Variants in ABLIM1 observed in about 807,000 individuals in gnomAD.
ABLIM1 encodes the protein actin-binding LIM protein 1.
In ABLIM1, 40 loss-of-function variants were observed where a neutral mutation model predicts 107.0. The ratio of observed to expected loss-of-function variants is 0.37; its 90% CI spans 0.29 to 0.49. The LOEUF is 0.49. Ranked by LOEUF, ABLIM1 falls within the 20% of genes least tolerant of loss-of-function variation. The probability of loss-of-function intolerance (pLI) is 0.97; values close to 1 mark genes in which losing one functional copy is unlikely to be tolerated. For missense variants in ABLIM1, 857 were observed against 1,008.5 expected, an observed-to-expected ratio of 0.85 and a Z score of 2.04; for synonymous variants, 357 against 357.3, an observed-to-expected ratio of 1.00 and a Z score of 0.01.
At position 114,629,065 on chromosome 10, in the gene ABLIM1, T is replaced by C. The variant is rs2078003785; in HGVS notation, c.245-27104A>G. ...CAAGATTCCGGAATCAATAAGTGTC[T>C]GCAGCTGGAAGTGAATGGGTGCCTG... On this transcript the variant is annotated intron_variant, in intron 1 of 22. Transcript: ENST00000533213. This position sits in a 1 kb window ranked among gnomAD's most constrained non-coding sequence, Gnocchi z 4.0. 6.6e-6 allele frequency among the ~76,000 whole-genome samples: 1 copy of C among 152,188 alleles called. No individual in the cohort carries two copies. Among genetic ancestry groups the C allele is most frequent in the African/African-American group, 2.4e-5 (1 of 41,450 alleles).
At chr10:114,633,857 G>A (rs1453034693) in intron 1 of ABLIM1, among the ~76,000 whole-genome samples, 2 of 152,140 alleles carry the variant, frequency 1.3e-5, no homozygotes, top group Admixed American at 1.3e-4. Flanking sequence ...AGGCTGTGTT[G>A]TGAGCCTAGC....
chr10:114,798,563 C>T, the ABLIM1 span, among the ~76,000 whole-genome samples: 4 of 125,828 alleles, frequency 3.2e-5, no homozygotes, highest in Admixed American at 7.6e-5. Context: ...GAGACCCCCC[C>T]CCCATGTCTA....
intron 1 of ABLIM1, among the ~76,000 whole-genome samples, chr10:114,693,428 C>A (rs1021663016): frequency 1.3e-5 from 2 of 152,140 alleles, no homozygotes. Context: ...CAGGAGTGGA[C>A]CAGCCACAGG....
intron 1 of ABLIM1, among the ~76,000 whole-genome samples, chr10:114,705,606 T>C (rs983468215): frequency 2.6e-5 from 4 of 151,974 alleles, no homozygotes; most frequent in African/African-American, 9.7e-5. Context: ...ATACAAGAAG[T>C]CATTCATTCA....
chr10:114,743,171 T>G (rs1215978164), intron 1 of ABLIM1, among the ~76,000 whole-genome samples: 2 of 152,190 alleles, frequency 1.3e-5, no homozygotes, highest in Non-Finnish European at 2.9e-5. Flanking sequence ...AAAAGCAACT[T>G]CAAGGTAATT....
chr10:114,667,247 A>G (rs767964259), intron 1 of ABLIM1, among the ~76,000 whole-genome samples: 6 of 152,208 alleles, frequency 3.9e-5, no homozygotes, highest in Non-Finnish European at 8.8e-5. Context: ...GAGAAAACCT[A>G]TACCTTCCCA....
chr10:114,449,326 T>C (rs1481410277), intron 14 of ABLIM1, among the ~76,000 whole-genome samples: 1 of 152,228 alleles, frequency 6.6e-6, no homozygotes, highest in East Asian at 1.9e-4. Context: ...TGGGCTTACA[T>C]ATTTTAAAAT....
chr10:114,601,731 T>C, intron 2 of ABLIM1, 96 bp downstream of exon 2: 1 of 1,576,450 alleles, frequency 6.3e-7, no homozygotes, highest in Non-Finnish European at 8.7e-7. Flanking sequence ...TCGCTTATCA[T>C]CCAGTGACCG....
At chr10:114,535,414 G>A (rs1236476777) in intron 6 of ABLIM1, among the ~76,000 whole-genome samples, 8 of 152,076 alleles carry the variant, frequency 5.3e-5, no homozygotes, top group African/African-American at 1.4e-4. Context: ...AGGTTCAAGC[G>A]ATCCTCCTGC....
intron 1 of ABLIM1, among the ~76,000 whole-genome samples, chr10:114,759,240 A>G (rs117485016): frequency 0.02 from 2,971 of 152,350 alleles, 37 homozygotes; most frequent in Non-Finnish European, 0.032. Flanking sequence ...TAATTTTCCC[A>G]TTAAAATCAT....
At chr10:114,472,388 G>A (rs1345784697) in intron 10 of ABLIM1, among the ~76,000 whole-genome samples, 3 of 152,060 alleles carry the variant, frequency 2.0e-5, no homozygotes, top group Admixed American at 2.0e-4. Flanking sequence ...ACTGTACCTG[G>A]TCCAGGAAAC....
At chr10:114,695,778 G>C (rs1011440796) in intron 1 of ABLIM1, among the ~76,000 whole-genome samples, 1 of 152,184 alleles carries the variant, frequency 6.6e-6, no homozygotes, top group East Asian at 1.9e-4. Flanking sequence ...ACATCCAACA[G>C]AAAGAAGGAT....
chr10:114,693,621 A>C (rs1429784629), intron 1 of ABLIM1, among the ~76,000 whole-genome samples: 1 of 151,750 alleles, frequency 6.6e-6, no homozygotes, highest in Non-Finnish European at 1.5e-5. Context: ...TATAATTTTA[A>C]GCGTTTTTTC....
intron 1 of ABLIM1, among the ~76,000 whole-genome samples, chr10:114,705,247 G>C (rs572973482): frequency 6.6e-6 from 1 of 152,262 alleles, no homozygotes; most frequent in African/African-American, 2.4e-5. Flanking sequence ...ATTCTGACTT[G>C]ACTAGAACCA....
Position 114,435,014 on chromosome 10 carries a change from A to G in ABLIM1, c.*1246T>C, listed in dbSNP as rs2059234625. The G allele has an allele frequency of 6.6e-6, 1 of 152,216 alleles. No individual in the cohort carries two copies. Among genetic ancestry groups the G allele is most frequent in the Non-Finnish European group, 1.5e-5 (1 of 68,042 alleles). 9.4% of individuals were successfully genotyped at this position (152,216 alleles called of 1,614,324 possible). A position where few individuals can be genotyped will look rare whatever the true frequency, so the allele number is the denominator to read the frequency against. On this transcript the variant is annotated 3_prime_UTR_variant, in exon 23 of 23. Coordinates refer to ENST00000533213, the MANE Select transcript of ABLIM1 (RefSeq NM_002313.7). ...ACAATGTCTTTAGAAGCTGCAACAC[A>G]GCAGGACAAACATTCAAGCAGAAAT...
intron 6 of ABLIM1, among the ~76,000 whole-genome samples, chr10:114,518,865 G>A (rs948812266): frequency 1.3e-5 from 2 of 152,040 alleles, no homozygotes; most frequent in Non-Finnish European, 2.9e-5. Context: ...CAGTGGCAGG[G>A]GATGCCTGGA....
At chr10:114,662,934 A>G (rs1358906463), upstream of ABLIM1, among the ~76,000 whole-genome samples, 2 of 152,240 alleles carry the variant, frequency 1.3e-5, no homozygotes, top group Non-Finnish European at 2.9e-5. Context: ...GATGAAGATC[A>G]GCTCAGAGTG....
upstream of ABLIM1, among the ~76,000 whole-genome samples, chr10:114,689,670 T>A (rs144987259): frequency 7.0e-4 from 107 of 152,190 alleles, no homozygotes; most frequent in African/African-American, 2.4e-3. Context: ...CCGCACTTTT[T>A]CTGTTAATTC....
intron 1 of ABLIM1, among the ~76,000 whole-genome samples, chr10:114,741,154 G>T (rs2082278755): frequency 6.7e-6 from 1 of 149,382 alleles, no homozygotes; most frequent in Non-Finnish European, 1.5e-5. Flanking sequence ...TACCATAGTG[G>T]TATAGTATTT....
Sources: gnomAD v4.1 joint callset for allele counts (sites outside exome capture counted in the v4.1 genomes callset) on GRCh38, gnomAD v4.1.1 for gene constraint, Gnocchi (gnomAD v3.1) non-coding constraint, MANE v1.5 for transcripts, NCBI Gene and HGNC (gene_info 2026-07-23, HGNC 2026-07-21) for gene names.